Variants in NEURL4 observed in about 807,000 individuals in gnomAD.
NEURL4 encodes the protein neuralized E3 ubiquitin protein ligase 4.
A neutral mutation model predicts 148.0 loss-of-function variants in NEURL4; 45 were observed. The ratio of observed to expected loss-of-function variants is 0.30; its 90% CI spans 0.24 to 0.39. The LOEUF (loss-of-function observed/expected upper bound fraction) is 0.39. NEURL4 is among the 10% of genes least tolerant of loss of function. NEURL4 has a pLI of 1.00. For synonymous variants in NEURL4, 854 were observed against 869.0 expected (o/e 0.98, Z 0.30); for missense variants, 1,776 against 2,144.0 (o/e 0.83, Z 3.39).
intron 8 of NEURL4, 46 bp downstream of exon 8, chr17:7,325,163 C>CCAAAAA: frequency 1.6e-6 from 1 of 608,026 alleles, no homozygotes; most frequent in Non-Finnish European, 2.7e-6. Flanking sequence ...CCCCCCCCCC[C>CCAAAAA]ATTAGAATCC....
intron 21 of NEURL4, among the ~76,000 whole-genome samples, chr17:7,320,434 C>T (rs2073016318): frequency 6.6e-6 from 1 of 152,152 alleles, no homozygotes; most frequent in Admixed American, 6.5e-5. Context: ...CGCACCCGGG[C>T]TCAGCTGGCT....
rs780545251 is a variant in NEURL4, at chr17:7,327,454, G to T, written c.713C>A (p.Thr238Asn). The change falls in exon 2 of 29, where the codon ACC becomes AAC. Residue 238 changes from threonine (T) to asparagine (N), a missense_variant. Thr to Asn is a moderately conservative substitution (Grantham distance 65, BLOSUM62 0). Coordinates refer to ENST00000399464, the MANE Select transcript of NEURL4 (RefSeq NM_032442.3). This position sits in a 1 kb window ranked among gnomAD's most constrained non-coding sequence, Gnocchi z 6.6. Reference sequence around the variant, plus strand: ...TGTGTTCTCACCTTCATCTGCAGAGGTCCCCTGTTCAGCCAAGGCAGAGTC... The same window carrying T: ...TGTGTTCTCACCTTCATCTGCAGAGTTCCCCTGTTCAGCCAAGGCAGAGTC... ...TEDSALAEQG[T>N]SADEAFMVSP... The T allele has an allele frequency of 6.4e-7, 1 of 1,556,890 alleles. No individual in the cohort carries two copies. Among genetic ancestry groups the T allele is most frequent in the Admixed American group, 1.8e-5 (1 of 54,742 alleles).
chr17:7,327,236 G>A lies in NEURL4; in HGVS notation c.728-6C>T. On this transcript the variant is annotated splice_polypyrimidine_tract_variant and splice_region_variant and intron_variant, in intron 2 of 28. Transcript: ENST00000399464. This position sits in a 1 kb window ranked among gnomAD's most constrained non-coding sequence, Gnocchi z 6.6. ...CGCTGGGGACACCATGAAGGCTGGGGACCAGGTGGGATGGGAGGGGAATAA... is the reference window on the plus strand; with the variant it reads ...CGCTGGGGACACCATGAAGGCTGGGAACCAGGTGGGATGGGAGGGGAATAA... 3 of 1,606,030 alleles carry A rather than the reference G, an allele frequency of 1.9e-6. No homozygotes were observed. Among genetic ancestry groups the A allele is most frequent in the Non-Finnish European group, 2.5e-6 (3 of 1,177,158 alleles).
chr17:7,325,141 C>A (rs2073085804), intron 8 of NEURL4, 68 bp downstream of exon 8: 2 of 1,127,202 alleles, frequency 1.8e-6, no homozygotes, highest in East Asian at 2.5e-5. Flanking sequence ...CCTTCCACTT[C>A]CTTGCCCCGC....
intron 21 of NEURL4, among the ~76,000 whole-genome samples, chr17:7,319,727 A>AAAAAAAACG (rs1238599924): frequency 2.7e-5 from 1 of 36,492 alleles, no homozygotes; most frequent in Non-Finnish European, 6.4e-5. Context: ...CAAAAAAACA[A>AAAAAAAACG]AAAAAAAACA....
At position 7,322,118 on chromosome 17, in the gene NEURL4, A is replaced by T. The variant is rs1209772678; in HGVS notation, c.2726-108T>A. The T allele has an allele frequency of 8.2e-7, 1 of 1,223,690 alleles. No individual in the cohort carries two copies. The highest frequency in any genetic ancestry group is 1.1e-6 in the Non-Finnish European group (1 of 882,076). The allele number at this position is 1,223,690 out of a possible 1,614,324, so 75.8% of individuals were successfully genotyped here. ...AACGAAATGGGGATGCCAACGCCCC[A>T]TCTGCCATCTGCCATTACACCTCAG... On this transcript the variant is annotated intron_variant, in intron 16 of 28. Coordinates refer to ENST00000399464, the MANE Select transcript of NEURL4 (RefSeq NM_032442.3). The surrounding 1 kb of genome is among the most constrained non-coding windows in gnomAD (Gnocchi z 5.5).
At chr17:7,328,948 C>A in intron 1 of NEURL4, 83 bp downstream of exon 1, 1 of 1,335,308 alleles carries the variant, frequency 7.5e-7, no homozygotes, top group Non-Finnish European at 9.8e-7. Flanking sequence ...GCAATGTGGG[C>A]TACCCTGGCT....
intron 1 of NEURL4, 123 bp from the exon 2 acceptor site, chr17:7,328,007 T>C: frequency 1.4e-6 from 1 of 737,462 alleles, no homozygotes; most frequent in East Asian, 2.7e-5. Context: ...AATCCAGAGA[T>C]GCAGACAGTG....
chr17:7,318,960 C>G lies in NEURL4; in HGVS notation c.3684+90G>C. 7.0e-7 allele frequency: 1 copy of G among 1,435,952 alleles called. No homozygotes were observed. 89.0% of individuals were successfully genotyped at this position (1,435,952 alleles called of 1,614,324 possible). On this transcript the variant is annotated intron_variant, in intron 22 of 28. Coordinates refer to ENST00000399464, the MANE Select transcript of NEURL4 (RefSeq NM_032442.3). This position sits in a 1 kb window ranked among gnomAD's most constrained non-coding sequence, Gnocchi z 4.3. ...TCCCCTTTTACACCTGTGGTCCTAC[C>G]TCCAAGGCTAGGGGCCCACTTCTCC...
At chr17:7,319,700 CA>C (rs369930443) in intron 21 of NEURL4, among the ~76,000 whole-genome samples, 12,505 of 118,064 alleles carry the variant, frequency 0.11, 855 homozygotes, top group East Asian at 0.3. Context: ...AACTCCGTCT[CA>C]AAAAAAACAA....
intron 14 of NEURL4, 121 bp downstream of exon 14, chr17:7,323,364 G>A (rs1443709373): frequency 1.9e-6 from 2 of 1,065,848 alleles, no homozygotes; most frequent in African/African-American, 1.6e-5. Flanking sequence ...TCAAGGGGAG[G>A]GGACAGGTAG....
At position 7,317,777 on chromosome 17, in the gene NEURL4, C is replaced by T. The variant is rs776145280; in HGVS notation, c.4205+11G>A. The T allele has an allele frequency of 1.9e-6, 3 of 1,612,510 alleles. No homozygotes were observed. Among genetic ancestry groups the T allele is most frequent in the Non-Finnish European group, 2.5e-6 (3 of 1,179,600 alleles). ...ACAGTAGGGGAAAGGCATGACCTTG[C>T]CCATATGTACCTGAGGTTGAACCTG... is the stretch of plus-strand genomic sequence containing the variant. On this transcript the variant is annotated intron_variant, in intron 26 of 28. Transcript: ENST00000399464.
At position 7,323,832 on chromosome 17, in the gene NEURL4, G is replaced by A; in HGVS notation, c.2243C>T (p.Ala748Val). The change falls in exon 12 of 29, where the codon GCC becomes GTC. Residue 748 changes from alanine to valine, a missense_variant. Transcript: ENST00000399464. ...RHNCRSEFND[A>V]IVISNRALRD... The stretch of plus-strand genomic sequence containing the variant: ...GACTGACCGGTTGGAGATGACGATG[G>A]CGTCATTAAACTCGCTGCGACAGTT... 1 of 1,614,140 alleles carries A rather than the reference G, an allele frequency of 6.2e-7. No individual in the cohort carries two copies. Among genetic ancestry groups the A allele is most frequent in the Non-Finnish European group, 8.5e-7 (1 of 1,180,032 alleles).
chr17:7,323,954 A>G lies in NEURL4; in HGVS notation c.2121T>C (p.Ser707=). The part of the protein sequence containing the change: ...PEGNNQVSPS[S]PSSGAGGSDL... ...CAGAGCCCCCGGCCCCTGAGGACGG[A>G]GAGCTTGGAGACACCTGGTTGTTCC... The change falls in exon 12 of 29, where the codon TCT becomes TCC. Residue 707 remains serine (S), a synonymous_variant. Coordinates refer to ENST00000399464, the MANE Select transcript of NEURL4 (RefSeq NM_032442.3). 6.2e-7 allele frequency: 1 copy of G among 1,612,748 alleles called. No individual in the cohort carries two copies. The highest frequency in any genetic ancestry group is 8.5e-7 in the Non-Finnish European group (1 of 1,180,016).
Position 7,325,193 on chromosome 17 carries a change from AC to A in NEURL4, c.1631+15del. On this transcript the variant is annotated intron_variant, in intron 8 of 28. Transcript: ENST00000399464. ...GAATCCCTTCTTCAGGCTTCTCCCC[AC>A]CCCATGGGCCATACTGGGGCCTCAG... 2.1e-6 allele frequency: 2 copies of A among 947,114 alleles called. No homozygotes were observed. The highest frequency in any genetic ancestry group is 2.8e-6 in the Non-Finnish European group (2 of 722,220). The allele number at this position is 947,114 out of a possible 1,614,324, so 58.7% of individuals were successfully genotyped here. A position where few individuals can be genotyped will look rare whatever the true frequency, so the allele number is the denominator to read the frequency against.
At position 7,327,458 on chromosome 17, in the gene NEURL4, C is replaced by T. The variant is rs752261697; in HGVS notation, c.709G>A (p.Gly237Arg). The stretch of plus-strand genomic sequence containing the variant: ...TTCTCACCTTCATCTGCAGAGGTCC[C>T]CTGTTCAGCCAAGGCAGAGTCTTCA... ...PTEDSALAEQGTSADEAFMVS... is the reference protein window; with the variant it reads ...PTEDSALAEQRTSADEAFMVS... The change falls in exon 2 of 29, where the codon GGG becomes AGG. Residue 237 changes from glycine (G) to arginine (R), a missense_variant. Transcript: ENST00000399464. The surrounding 1 kb of genome is among the most constrained non-coding windows in gnomAD (Gnocchi z 6.6). The T allele has an allele frequency of 3.3e-5, 51 of 1,560,494 alleles. No individual in the cohort carries two copies. The highest frequency in any genetic ancestry group is 4.0e-5 in the Non-Finnish European group (46 of 1,150,752).
chr17:7,327,927 C>G lies in NEURL4; in HGVS notation c.283-43G>C. The G allele has an allele frequency of 6.8e-7, 1 of 1,460,658 alleles. No homozygotes were observed. Among genetic ancestry groups the G allele is most frequent in the Non-Finnish European group, 9.2e-7 (1 of 1,082,828 alleles). The allele number at this position is 1,460,658 out of a possible 1,614,324, so 90.5% of individuals were successfully genotyped here. A position where few individuals can be genotyped will look rare whatever the true frequency, so the allele number is the denominator to read the frequency against. On this transcript the variant is annotated intron_variant, in intron 1 of 28. Transcript: ENST00000399464. The surrounding 1 kb of genome is among the most constrained non-coding windows in gnomAD (Gnocchi z 6.6). ...GACAGAGGCTTAGAATGGGCCACCC[C>G]CCATTCCACAGGCCACCATATCTTC...
Position 7,325,711 on chromosome 17 carries a change from C to T in NEURL4, c.1296G>A (p.Glu432=), listed in dbSNP as rs1398240555. The change falls in exon 7 of 29, where the codon GAG becomes GAA. Residue 432 remains glutamate, a splice_region_variant and synonymous_variant. Coordinates refer to ENST00000399464, the MANE Select transcript of NEURL4 (RefSeq NM_032442.3). ...YCEFSLDELQ[E]GDHIGLTRKS... ...TCCTTGTGAGGCCAATGTGGTCACC[C>T]TCCTAATCAAAGAAGACAAACAGTT... 1 of 1,613,488 alleles carries T rather than the reference C, an allele frequency of 6.2e-7. No individual in the cohort carries two copies. The highest frequency in any genetic ancestry group is 2.2e-5 in the East Asian group (1 of 44,860).
rs1340354341 is a variant in NEURL4, at chr17:7,326,111, A to G, written c.1293+144T>C. 4 of 739,446 alleles carry G rather than the reference A, an allele frequency of 5.4e-6. No homozygotes were observed. In the South Asian group the frequency reaches 6.8e-5, roughly 13 times the overall value. The allele number at this position is 739,446 out of a possible 1,614,324, so 45.8% of individuals were successfully genotyped here. Reference sequence around the variant, plus strand: ...TGAGTGCTGAACTCTTGGGCAACTCAGGCTTCTAGGAAGGAACCTTTAGGT... The same window carrying G: ...TGAGTGCTGAACTCTTGGGCAACTCGGGCTTCTAGGAAGGAACCTTTAGGT... On this transcript the variant is annotated intron_variant, in intron 6 of 28. Transcript: ENST00000399464. This position sits in a 1 kb window ranked among gnomAD's most constrained non-coding sequence, Gnocchi z 6.0.
Sources: gnomAD v4.1 joint callset for allele counts (sites outside exome capture counted in the v4.1 genomes callset) on GRCh38, gnomAD v4.1.1 for gene constraint, Gnocchi (gnomAD v3.1) non-coding constraint, MANE v1.5 for transcripts, NCBI Gene and HGNC (gene_info 2026-07-23, HGNC 2026-07-21) for gene names.